TENM2: variants seen among roughly 807,000 people sequenced by gnomAD.
The protein encoded by TENM2 is teneurin transmembrane protein 2, also known as teneurin-2.
TENM2 carries 52 observed loss-of-function variants against 245.2 expected under a neutral mutation model. The observed-to-expected ratio is 0.21, with a 90% CI of 0.17 to 0.27. The LOEUF (loss-of-function observed/expected upper bound fraction) is 0.27. Among genes scored for constraint, TENM2 ranks in the 10% least tolerant of loss-of-function variants. TENM2 has a pLI of 1.00. For synonymous variants in TENM2, 1,363 were observed against 1,438.9 expected (o/e 0.95, Z 1.19); for missense variants, 3,046 against 3,666.8 (o/e 0.83, Z 4.37).
At chr5:167,355,371 C>T (rs1212011070) in intron 1 of TENM2, among the ~76,000 whole-genome samples, 2 of 70,740 alleles carry the variant, frequency 2.8e-5, no homozygotes, top group African/African-American at 5.1e-5. Flanking sequence ...TTTTCTTATC[C>T]GAATGGAGAT....
chr5:167,533,287 TAAG>T (rs1327559706), intron 2 of TENM2, among the ~76,000 whole-genome samples: 2 of 152,098 alleles, frequency 1.3e-5, no homozygotes, highest in African/African-American at 4.8e-5. Context: ...ATGAACTTGG[TAAG>T]AATGAAGTTT....
intron 4 of TENM2, among the ~76,000 whole-genome samples, chr5:167,992,301 GA>G (rs986809455): frequency 6.6e-6 from 1 of 151,910 alleles, no homozygotes; most frequent in African/African-American, 2.4e-5. Context: ...ATTACAGAAA[GA>G]AAAAATTAAA....
chr5:168,028,080 G>C (rs1352087991), intron 5 of TENM2, among the ~76,000 whole-genome samples: 2 of 152,208 alleles, frequency 1.3e-5, no homozygotes, highest in African/African-American at 4.8e-5. Context: ...CCATTCTAGA[G>C]AGGAGCAGAC....
intron 13 of TENM2, among the ~76,000 whole-genome samples, chr5:168,189,177 A>G (rs1416162100): frequency 6.6e-6 from 1 of 152,160 alleles, no homozygotes; most frequent in Admixed American, 6.5e-5. Flanking sequence ...TTACCTCCCA[A>G]AAGCCCCATT....
chr5:167,044,004 G>T, the TENM2 span, among the ~76,000 whole-genome samples: 1 of 144,632 alleles, frequency 6.9e-6, no homozygotes, highest in Non-Finnish European at 1.5e-5. Flanking sequence ...TGGTGACAGA[G>T]CGAGACTGCA....
chr5:168,010,294 G>T (rs1785127210), intron 5 of TENM2, among the ~76,000 whole-genome samples: 1 of 152,190 alleles, frequency 6.6e-6, no homozygotes, highest in African/African-American at 2.4e-5. Context: ...AAGGAAACCT[G>T]CCCTTGGGAA....
At chr5:167,814,453 CAAAAAAAA>C (rs11324953) in intron 2 of TENM2, among the ~76,000 whole-genome samples, 2 of 83,940 alleles carry the variant, frequency 2.4e-5, no homozygotes, top group African/African-American at 4.7e-5. Flanking sequence ...CACTCCGATT[CAAAAAAAA>C]AAAAAAAAGA....
intron 3 of TENM2, among the ~76,000 whole-genome samples, chr5:167,891,745 T>C (rs957931485): frequency 5.3e-5 from 8 of 152,322 alleles, no homozygotes; most frequent in African/African-American, 1.9e-4. Flanking sequence ...GTGTCCACCA[T>C]GTCACAGGTG....
At chr5:167,707,706 C>T (rs551063600) in intron 2 of TENM2, among the ~76,000 whole-genome samples, 2 of 152,292 alleles carry the variant, frequency 1.3e-5, no homozygotes, top group South Asian at 4.1e-4. Context: ...CGTCTAGAAT[C>T]CTAGCAAGTC....
chr5:167,139,984 T>G, the TENM2 span, among the ~76,000 whole-genome samples: 1 of 152,326 alleles, frequency 6.6e-6, no homozygotes, highest in Admixed American at 6.5e-5. Flanking sequence ...AAAAGAGTTT[T>G]ACTCTTTCCT....
the TENM2 span, among the ~76,000 whole-genome samples, chr5:167,094,698 G>A: frequency 7.9e-5 from 12 of 152,272 alleles, no homozygotes; most frequent in South Asian, 2.5e-3. Flanking sequence ...TGAGTTCACT[G>A]CAGGTTGATT....
intron 19 of TENM2, among the ~76,000 whole-genome samples, chr5:168,206,917 C>T (rs1762394832): frequency 6.6e-6 from 1 of 152,164 alleles, no homozygotes; most frequent in Admixed American, 6.5e-5. Flanking sequence ...TCAGCCCTCA[C>T]CTGGTACAGT....
At chr5:167,200,738 G>T in the TENM2 span, among the ~76,000 whole-genome samples, 2 of 152,120 alleles carry the variant, frequency 1.3e-5, no homozygotes, top group Non-Finnish European at 2.9e-5. Flanking sequence ...TACTTCAGTA[G>T]CCCAACTTTC....
chr5:167,218,911 G>A, the TENM2 span, among the ~76,000 whole-genome samples: 1 of 152,168 alleles, frequency 6.6e-6, no homozygotes, highest in African/African-American at 2.4e-5. Context: ...AGCCAGTTGA[G>A]GCACAGAGAA....
intron 2 of TENM2, among the ~76,000 whole-genome samples, chr5:167,456,915 T>C (rs1024772188): frequency 1.3e-5 from 2 of 152,210 alleles, no homozygotes; most frequent in African/African-American, 4.8e-5. Context: ...CTGTGGTTGA[T>C]TTAGGCTGCT....
At chr5:168,065,047 A>G (rs1261771164) in intron 7 of TENM2, among the ~76,000 whole-genome samples, 1 of 152,164 alleles carries the variant, frequency 6.6e-6, no homozygotes, top group African/African-American at 2.4e-5. Context: ...GGTATATCCT[A>G]TCAAGGAACA....
chr5:167,759,534 C>T (rs1367150714), intron 2 of TENM2, among the ~76,000 whole-genome samples: 1 of 152,048 alleles, frequency 6.6e-6, no homozygotes. Flanking sequence ...TGAAGAGTTA[C>T]AGGGGAAGTG....
intron 2 of TENM2, among the ~76,000 whole-genome samples, chr5:167,384,901 A>G (rs1231491088): frequency 2.0e-5 from 3 of 152,226 alleles, no homozygotes; most frequent in African/African-American, 7.2e-5. Context: ...AGTAACTAAG[A>G]TGATAAAATT....
intron 3 of TENM2, among the ~76,000 whole-genome samples, chr5:167,936,751 G>A (rs1778752407): frequency 6.6e-6 from 1 of 152,196 alleles, no homozygotes; most frequent in Non-Finnish European, 1.5e-5. Flanking sequence ...AGGAACCCAA[G>A]ACAACCCTTT....
Sources: gnomAD v4.1 joint callset for allele counts (sites outside exome capture counted in the v4.1 genomes callset) on GRCh38, gnomAD v4.1.1 for gene constraint, MANE v1.5 for transcripts, NCBI Gene and HGNC (gene_info 2026-07-23, HGNC 2026-07-21) for gene names.